LANCL2: variants seen among roughly 807,000 people sequenced by gnomAD.
LANCL2 encodes the protein lanC-like protein 2.
A neutral mutation model predicts 56.9 loss-of-function variants in LANCL2; 33 were observed. The ratio of observed to expected loss-of-function variants is 0.58; its 90% CI spans 0.44 to 0.78. The LOEUF is 0.78. Among genes scored for constraint, LANCL2 ranks in the 30% least tolerant of loss-of-function variants. LANCL2 has a pLI of 0.00. For synonymous variants in LANCL2, 233 were observed against 228.2 expected, an observed-to-expected ratio of 1.02 and a Z score of -0.19; for missense variants, 562 against 580.2, an observed-to-expected ratio of 0.97 and a Z score of 0.32.
chr7:55,369,637 G>A (rs758585007), intron 1 of LANCL2, among the ~76,000 whole-genome samples: 19 of 152,170 alleles, frequency 1.2e-4, no homozygotes, highest in Non-Finnish European at 2.4e-4. Flanking sequence ...TGTTGTGGCC[G>A]TGGACTTAAG....
chr7:55,366,220 G>T lies in LANCL2; in HGVS notation c.195G>T (p.Gln65His). 1 of 1,515,242 alleles carries T rather than the reference G, an allele frequency of 6.6e-7. No individual in the cohort carries two copies. Among genetic ancestry groups the T allele is most frequent in the Non-Finnish European group, 8.9e-7 (1 of 1,126,272 alleles). 93.9% of individuals were successfully genotyped at this position (1,515,242 alleles called of 1,614,324 possible). Residue 65 changes from glutamine to histidine, a missense_variant, in exon 1 of 9, where the codon CAG becomes CAT. This residue lies in a region of LANCL2 where 184 missense variants were observed against 111.8 expected (regional missense o/e 1.65). Transcript: ENST00000254770. Reference sequence around the variant, plus strand: ...ATGAGCCCGGCCTCCCTTTTCATCAGGACGGGAAGGTGAGTCGGCGGCCTG... The same window carrying T: ...ATGAGCCCGGCCTCCCTTTTCATCATGACGGGAAGGTGAGTCGGCGGCCTG... ...TTDEPGLPFH[Q>H]DGKIIHNFIR...
chr7:55,395,993 A>G (rs1017834121), intron 2 of LANCL2, among the ~76,000 whole-genome samples: 2 of 152,254 alleles, frequency 1.3e-5, no homozygotes, highest in African/African-American at 4.8e-5. Context: ...GCATTACTGC[A>G]CTGAATACTG....
chr7:55,424,521 G>C (rs1390951440), intron 6 of LANCL2, among the ~76,000 whole-genome samples: 4 of 152,220 alleles, frequency 2.6e-5, no homozygotes, highest in Admixed American at 2.6e-4. Flanking sequence ...TACAAGAGCA[G>C]AAGTTTTAGA....
rs1473061563 is a variant in LANCL2, at chr7:55,400,050, G to A, written c.624G>A (p.Leu208=). Residue 208 remains leucine (L), a synonymous_variant, in exon 4 of 9, where the codon CTG becomes CTA. Transcript: ENST00000254770. The part of the protein sequence containing the change: ...YGRAGYLYAL[L]YLNTEIGPGT... Reference sequence around the variant, plus strand: ...GGGCAGGTTATCTGTATGCCTTACTGTACCTGAACACAGAGATAGGTCCAG... The same window carrying A: ...GGGCAGGTTATCTGTATGCCTTACTATACCTGAACACAGAGATAGGTCCAG... 1 of 1,613,474 alleles carries A rather than the reference G, an allele frequency of 6.2e-7. No individual in the cohort carries two copies. Among genetic ancestry groups the A allele is most frequent in the South Asian group, 1.1e-5 (1 of 91,014 alleles).
intron 5 of LANCL2, among the ~76,000 whole-genome samples, chr7:55,407,322 C>A (rs1414764759): frequency 6.6e-6 from 1 of 152,202 alleles, no homozygotes; most frequent in Non-Finnish European, 1.5e-5. Context: ...CAGGCACCGT[C>A]ACCTCTCCCT....
At chr7:55,393,463 G>A (rs1033489104) in intron 2 of LANCL2, among the ~76,000 whole-genome samples, 9 of 152,228 alleles carry the variant, frequency 5.9e-5, no homozygotes, top group East Asian at 3.9e-4. Flanking sequence ...GCCCAGAGGC[G>A]GAGGTTGTAG....
chr7:55,409,534 G>C (rs1484136853), intron 5 of LANCL2, among the ~76,000 whole-genome samples: 2 of 152,170 alleles, frequency 1.3e-5, no homozygotes, highest in African/African-American at 2.4e-5. Flanking sequence ...GGAAGCTACT[G>C]GAGTGTGGTG....
chr7:55,384,765 AT>A (rs1041199322), intron 1 of LANCL2, among the ~76,000 whole-genome samples: 7 of 152,180 alleles, frequency 4.6e-5, no homozygotes, highest in Non-Finnish European at 8.8e-5. Flanking sequence ...ATGAAATAAC[AT>A]GTAAGTCCTG....
At chr7:55,387,815 C>T (rs1405509672) in intron 1 of LANCL2, among the ~76,000 whole-genome samples, 3 of 152,094 alleles carry the variant, frequency 2.0e-5, no homozygotes, top group Non-Finnish European at 4.4e-5. Context: ...TAAAAAACAA[C>T]CTTACTTTAA....
rs1396169328 is a variant in LANCL2 at position 55,365,501 on chromosome 7, G to T, written c.-525G>T. 1 of 152,432 alleles carries T rather than the reference G, an allele frequency of 6.6e-6. No homozygotes were observed. The highest frequency in any genetic ancestry group is 1.5e-5 in the Non-Finnish European group (1 of 68,162). The allele number at this position is 152,432 out of a possible 1,614,324, so 9.4% of individuals were successfully genotyped here. ...GCAGGCTGACGACGGCGCGCCAGGG[G>T]CTGAGCTCGCCCCGGTCGGCGACGC... On this transcript the variant is annotated 5_prime_UTR_variant, in exon 1 of 9. Transcript: ENST00000254770.
intron 5 of LANCL2, among the ~76,000 whole-genome samples, chr7:55,408,750 C>G (rs1043634069): frequency 6.6e-6 from 1 of 151,930 alleles, no homozygotes; most frequent in African/African-American, 2.4e-5. Context: ...TGAGTGCAGA[C>G]AGACAAATCC....
At chr7:55,376,183 C>T (rs1032882802) in intron 1 of LANCL2, among the ~76,000 whole-genome samples, 7 of 152,178 alleles carry the variant, frequency 4.6e-5, no homozygotes, top group Admixed American at 3.9e-4. Context: ...CTCCAGTCTG[C>T]CCCTTACTGT....
chr7:55,366,726 C>T (rs941021486), intron 1 of LANCL2, among the ~76,000 whole-genome samples: 1 of 152,234 alleles, frequency 6.6e-6, no homozygotes, highest in African/African-American at 2.4e-5. Flanking sequence ...ACTTGACTTT[C>T]TTAGTGTCGC....
At chr7:55,398,777 G>C (rs1790286468) in intron 3 of LANCL2, 147 bp downstream of exon 3, 4 of 648,202 alleles carry the variant, frequency 6.2e-6, no homozygotes, top group East Asian at 5.5e-5. Flanking sequence ...ATAGTGGTGG[G>C]ATCATATGCC....
intron 1 of LANCL2, among the ~76,000 whole-genome samples, chr7:55,385,292 T>C (rs1790112596): frequency 6.6e-6 from 1 of 152,098 alleles, no homozygotes; most frequent in African/African-American, 2.4e-5. Context: ...AGACAGTTGT[T>C]GAGTACAGAA....
At chr7:55,388,410 G>A (rs1003775956) in intron 1 of LANCL2, among the ~76,000 whole-genome samples, 1 of 152,204 alleles carries the variant, frequency 6.6e-6, no homozygotes, top group Non-Finnish European at 1.5e-5. Flanking sequence ...GCCAGGTGTG[G>A]TGGTGCATGC....
intron 2 of LANCL2, among the ~76,000 whole-genome samples, chr7:55,398,196 T>TGTACA (rs1562862869): frequency 3.9e-5 from 6 of 152,214 alleles, no homozygotes; most frequent in Non-Finnish European, 5.9e-5. Context: ...AGCACCAAGA[T>TGTACA]AACATGTACA....
chr7:55,396,378 G>A (rs1165281506), intron 2 of LANCL2, among the ~76,000 whole-genome samples: 1 of 152,180 alleles, frequency 6.6e-6, no homozygotes, highest in Admixed American at 6.5e-5. Context: ...TTGCTTCACC[G>A]GAGCCTCTCC....
intron 5 of LANCL2, among the ~76,000 whole-genome samples, chr7:55,407,173 G>C (rs1026449929): frequency 1.3e-4 from 20 of 152,314 alleles, no homozygotes; most frequent in African/African-American, 4.8e-4. Flanking sequence ...GTTAGGTCTG[G>C]AAAAACTGAC....
Sources: allele counts gnomAD v4.1 joint callset (sites outside exome capture counted in the v4.1 genomes callset), GRCh38; gene constraint gnomAD v4.1.1; regional missense constraint gnomAD v4.1.1; transcripts MANE v1.5; gene names NCBI Gene and HGNC (gene_info 2026-07-23, HGNC 2026-07-21).